Variants in SYT8 observed in about 807,000 individuals in gnomAD.
SYT8 encodes synaptotagmin 8.
In SYT8, 50 loss-of-function variants were observed where a neutral mutation model predicts 34.9. That is an observed-to-expected ratio of 1.43 (90% CI 1.14 to 1.81). The LOEUF (loss-of-function observed/expected upper bound fraction) is 1.81. Among genes scored for constraint, SYT8 ranks in the 40% most tolerant of loss-of-function variants. The pLI, the probability that SYT8 is intolerant of heterozygous loss-of-function variation, is 0.00. For synonymous variants in SYT8, 255 were observed against 234.2 expected (o/e 1.09, Z -0.81); for missense variants, 595 against 529.0 (o/e 1.12, Z -1.22).
At chr11:1,836,895 A>AG (rs781365629) in intron 6 of SYT8, 34 bp downstream of exon 6, 58 of 1,612,360 alleles carry the variant, frequency 3.6e-5, no homozygotes, top group Middle Eastern at 1.6e-4. Context: ...TGTTGTACAG[A>AG]GGGGGGGCCC....
chr11:1,832,450 A>C (rs1412150210), upstream of SYT8, among the ~76,000 whole-genome samples: 2 of 152,166 alleles, frequency 1.3e-5, no homozygotes, highest in East Asian at 1.9e-4. Context: ...CAGGAGACAG[A>C]CAGCCAAAGC....
In SYT8 at chr11:1,837,232, C is replaced by A. The variant is rs767529739; in HGVS notation, c.965C>A (p.Pro322Gln). 3.2e-6 allele frequency: 5 copies of A among 1,572,246 alleles called. No homozygotes were observed. The highest frequency in any genetic ancestry group is 4.3e-6 in the Non-Finnish European group (5 of 1,161,188). ...LVLAVWDRSL[P>Q]LRTEPVGKVH... is the part of the protein sequence containing the mutation. ...CTGGCTGTCTGGGACCGCAGCCTGC[C>A]GCTCCGAACTGAGCCCGTAGGCAAG... The change falls in exon 8 of 8, where the codon CCG becomes CAG. Residue 322 changes from proline to glutamine, a missense_variant. Transcript: ENST00000341958.
chr11:1,834,494 C>A (rs1338813818), upstream of SYT8: 2 of 1,397,276 alleles, frequency 1.4e-6, no homozygotes, highest in African/African-American at 2.9e-5. This position sits in a 1 kb window ranked among gnomAD's most constrained non-coding sequence, Gnocchi z 4.5. Context: ...TGAGCTCCGC[C>A]GACAGCCAGC....
intron 7 of SYT8, 26 bp from the exon 8 acceptor site, chr11:1,837,166 C>T (rs755900753): frequency 1.3e-5 from 21 of 1,589,038 alleles, no homozygotes; most frequent in African/African-American, 2.7e-5. Context: ...TCCCCCAACT[C>T]CAACCTCTGG....
At position 1,835,301 on chromosome 11, in the gene SYT8, C is replaced by A; in HGVS notation, c.100C>A (p.Arg34Ser). Residue 34 changes from arginine to serine, a missense_variant, in exon 2 of 8, where the codon CGC (arginine) becomes AGC (serine). By Grantham distance (110) the Arg-to-Ser change is moderately radical (BLOSUM62 -1). Coordinates refer to ENST00000341958, the MANE Select transcript of SYT8 (RefSeq NM_001394072.1). ...CAGCCTGGCCTCTACCCCAGGGCCC[C>A]GCTGGGCTCTCATTGCCGGCGCCCT... ...PDLVAGTPWP[R>S]WALIAGALAA... 6.3e-7 allele frequency: 1 copy of A among 1,599,654 alleles called. No homozygotes were observed. Among genetic ancestry groups the A allele is most frequent in the Admixed American group, 1.7e-5 (1 of 59,438 alleles).
chr11:1,834,492 G>C, upstream of SYT8: 2 of 1,375,892 alleles, frequency 1.5e-6, no homozygotes, highest in Non-Finnish European at 2.0e-6. This position sits in a 1 kb window ranked among gnomAD's most constrained non-coding sequence, Gnocchi z 4.5. Context: ...AGTGAGCTCC[G>C]CCGACAGCCA....
At position 1,837,332 on chromosome 11, in the gene SYT8, C is replaced by T; in HGVS notation, c.1065C>T (p.Pro355=). ...WADMLAHARR[P]IAQRHPLRPA... is the part of the protein sequence containing the mutation. ...ACATGCTGGCCCACGCCCGGCGGCC[C>T]ATTGCCCAGCGGCACCCCCTGCGGC... Residue 355 remains proline, a synonymous_variant, in exon 8 of 8, where the codon CCC becomes CCT. Coordinates refer to ENST00000341958, the MANE Select transcript of SYT8 (RefSeq NM_001394072.1). The T allele has an allele frequency of 6.3e-7, 1 of 1,592,462 alleles. No individual in the cohort carries two copies. Among genetic ancestry groups the T allele is most frequent in the Non-Finnish European group, 8.5e-7 (1 of 1,174,104 alleles).
In SYT8 at chr11:1,836,547, T is replaced by A; in HGVS notation, c.639T>A (p.His213Gln). ...CACTGGGCACCGTGGATCTGCAGCA[T>A]GTTCTGGAGCACTGGTACCTGCTGG... Reference protein sequence around the residue: ...RLPLGTVDLQHVLEHWYLLGP... With the variant: ...RLPLGTVDLQQVLEHWYLLGP... The change falls in exon 5 of 8, where the codon CAT (histidine) becomes CAA (glutamine). Residue 213 changes from histidine (H) to glutamine (Q), a missense_variant. By Grantham distance (24) the His-to-Gln change is conservative (BLOSUM62 0). Transcript: ENST00000341958. The A allele has an allele frequency of 1.2e-6, 2 of 1,612,688 alleles. No homozygotes were observed. Among genetic ancestry groups the A allele is most frequent in the Non-Finnish European group, 1.7e-6 (2 of 1,179,914 alleles).
chr11:1,837,399 C>T lies in SYT8; in HGVS notation c.1132C>T (p.Leu378Phe). ...VDRMLALQPR[L>F]RLRLPLPHS ...CCGCATGCTGGCCCTGCAGCCCCGC[C>T]TTCGCCTGCGCCTGCCCTTGCCCCA... Residue 378 changes from leucine to phenylalanine, a missense_variant, in exon 8 of 8, where the codon CTT becomes TTT. Physicochemically the swap from Leu to Phe is conservative, Grantham distance 22. Coordinates refer to ENST00000341958, the MANE Select transcript of SYT8 (RefSeq NM_001394072.1). The T allele has an allele frequency of 6.2e-7, 1 of 1,604,702 alleles. No homozygotes were observed.
At position 1,836,257 on chromosome 11, in the gene SYT8, C is replaced by G. The variant is rs576325169; in HGVS notation, c.489C>G (p.Pro163=). The G allele has an allele frequency of 6.4e-7, 1 of 1,569,260 alleles. No homozygotes were observed. Among genetic ancestry groups the G allele is most frequent in the Admixed American group, 1.9e-5 (1 of 53,034 alleles). ...ETKVHRGTLC[P]VFDETCCFHI... ...AAGTGCACCGAGGCACGCTCTGCCC[C>G]GTGTTTGACGAGACCTGCTGCTTCC... The change falls in exon 4 of 8, where the codon CCC becomes CCG. Residue 163 remains proline, a synonymous_variant. Coordinates refer to ENST00000341958, the MANE Select transcript of SYT8 (RefSeq NM_001394072.1).
At chr11:1,834,516 C>T (rs563267299), upstream of SYT8, 198 of 1,511,692 alleles carry the variant, frequency 1.3e-4, no homozygotes, top group African/African-American at 1.9e-3. The surrounding 1 kb of genome is among the most constrained non-coding windows in gnomAD (Gnocchi z 4.5). Flanking sequence ...CTGCTCCTCC[C>T]GCCATGACCC....
In SYT8 at chr11:1,836,191, G is replaced by A. The variant is rs556084520; in HGVS notation, c.423G>A (p.Arg141=). The A allele has an allele frequency of 3.7e-5, 58 of 1,578,898 alleles. 1 individual carries two copies. In the South Asian group the frequency reaches 4.6e-4, roughly 13 times the overall value. ...GGGGCACCGTGGACCCCTATGCCCG[G>A]GTCAGCGTCTCCACCCAGGCCGGAC... ...RPGGTVDPYA[R]VSVSTQAGHR... Residue 141 remains arginine (R), a synonymous_variant, in exon 4 of 8, where the codon CGG becomes CGA. Transcript: ENST00000341958.
intron 2 of SYT8, 118 bp downstream of exon 2, chr11:1,835,577 C>T (rs1191861672): frequency 9.2e-6 from 11 of 1,198,054 alleles, no homozygotes; most frequent in African/African-American, 3.0e-5. Flanking sequence ...AGAGGCAGGG[C>T]GTTGAGGACC....
Position 1,837,319 on chromosome 11 carries a change from AC to A in SYT8, c.1053del (p.His351GlnfsTer?). On this transcript the variant is annotated frameshift_variant, in exon 8 of 8. Coordinates refer to ENST00000341958, the MANE Select transcript of SYT8 (RefSeq NM_001394072.1). LOFTEE classifies it low-confidence loss of function (END_TRUNC). ...CAGCACTGGGCAGACATGCTGGCCC[AC>A]GCCCGGCGGCCCATTGCCCAGCGGC... The part of the protein sequence containing the change: ...PLQHWADMLA[H>X]ARRPIAQRHP... 6.3e-7 allele frequency: 1 copy of A among 1,589,898 alleles called. No homozygotes were observed. The highest frequency in any genetic ancestry group is 8.5e-7 in the Non-Finnish European group (1 of 1,172,890).
intron 4 of SYT8, 46 bp from the exon 5 acceptor site, chr11:1,836,379 G>A (rs747673240): frequency 6.7e-7 from 1 of 1,503,146 alleles, no homozygotes; most frequent in Non-Finnish European, 8.9e-7. Context: ...GCAGCTGGGT[G>A]GGCCTGAGCT....
At chr11:1,834,080 C>G, upstream of SYT8, 1 of 169,050 alleles carries the variant, frequency 5.9e-6, no homozygotes, top group Non-Finnish European at 1.3e-5. This position sits in a 1 kb window ranked among gnomAD's most constrained non-coding sequence, Gnocchi z 4.5. Context: ...AACAGAGTCT[C>G]CTGGCTGGCT....
upstream of SYT8, chr11:1,834,647 A>T (rs780991991): frequency 5.1e-6 from 8 of 1,566,828 alleles, no homozygotes; most frequent in South Asian, 7.0e-5. This position sits in a 1 kb window ranked among gnomAD's most constrained non-coding sequence, Gnocchi z 4.5. Flanking sequence ...CAAGGAAGTG[A>T]TGGGACCGCA....
rs1404430496 is a variant in SYT8 at position 1,835,691 on chromosome 11, G to A, written c.259-195G>A. The A allele has an allele frequency of 1.6e-5, 12 of 738,076 alleles. No individual in the cohort carries two copies. The Admixed American group carries it at 2.4e-4, about 15-fold the overall frequency. The allele number at this position is 738,076 out of a possible 1,614,324, so 45.7% of individuals were successfully genotyped here. ...CACAGCGGGTTCTTGAGGAAGGCAG[G>A]GGGTACCCCAGATGCCACGTTTTGG... On this transcript the variant is annotated intron_variant, in intron 2 of 7. Coordinates refer to ENST00000341958, the MANE Select transcript of SYT8 (RefSeq NM_001394072.1).
Position 1,836,494 on chromosome 11 carries a change from C to T in SYT8, c.586C>T (p.His196Tyr), listed in dbSNP as rs1244226571. 6.2e-7 allele frequency: 1 copy of T among 1,612,264 alleles called. No individual in the cohort carries two copies. The highest frequency in any genetic ancestry group is 1.7e-5 in the Admixed American group (1 of 59,932). ...QLFNFKRFSG[H>Y]EPLGELRLPL... ...TTTCAACTTCAAGCGCTTCTCGGGG[C>T]ATGAGCCCCTGGGTGAGCTCCGTCT... The change falls in exon 5 of 8, where the codon CAT (histidine) becomes TAT (tyrosine). Residue 196 changes from histidine (H) to tyrosine (Y), a missense_variant. By Grantham distance (83) the His-to-Tyr change is moderately conservative. Coordinates refer to ENST00000341958, the MANE Select transcript of SYT8 (RefSeq NM_001394072.1).
Sources: allele counts gnomAD v4.1 joint callset (sites outside exome capture counted in the v4.1 genomes callset), GRCh38; gene constraint gnomAD v4.1.1; non-coding constraint Gnocchi (gnomAD v3.1); transcripts MANE v1.5; gene names NCBI Gene and HGNC (gene_info 2026-07-23, HGNC 2026-07-21).